LRGUK: variants seen among roughly 807,000 people sequenced by gnomAD.
The protein encoded by LRGUK is leucine rich repeats and guanylate kinase domain containing.
Under a neutral mutation model 76.0 loss-of-function variants are expected in LRGUK, and 65 were observed. The ratio of observed to expected loss-of-function variants is 0.85; its 90% CI spans 0.70 to 1.05. The LOEUF (loss-of-function observed/expected upper bound fraction) is 1.05, where lower values mean the gene tolerates loss of function less well. LRGUK is among the 50% of genes least tolerant of loss of function. LRGUK has a pLI of 0.00. For missense variants in LRGUK, 758 were observed against 732.8 expected (o/e 1.03, Z -0.40); for synonymous variants, 268 against 265.6 (o/e 1.01, Z -0.09).
intron 7 of LRGUK, among the ~76,000 whole-genome samples, chr7:134,169,529 T>C (rs891962747): frequency 6.6e-6 from 1 of 152,184 alleles, no homozygotes; most frequent in Non-Finnish European, 1.5e-5. Context: ...CTTTTGTAAT[T>C]TCTGCTTTTT....
intron 16 of LRGUK, among the ~76,000 whole-genome samples, chr7:134,240,565 A>G (rs913792314): frequency 2.0e-5 from 3 of 152,236 alleles, no homozygotes; most frequent in African/African-American, 7.2e-5. Context: ...AAAAGACCAA[A>G]TCTACGTCTG....
chr7:134,189,830 T>A (rs570861391), intron 11 of LRGUK, among the ~76,000 whole-genome samples: 3 of 152,372 alleles, frequency 2.0e-5, no homozygotes, highest in South Asian at 4.1e-4. Context: ...TTTGACAGCC[T>A]TCTCTTAGAA....
chr7:134,191,668 A>G lies in LRGUK; in HGVS notation c.1348A>G (p.Thr450Ala), dbSNP rs760339547. ...TTATGATTTCAGGGCCTGTCATACC[A>G]CAAGACCACCTTACTTTGGAGAAGG... The change falls in exon 12 of 16, where the codon ACA becomes GCA. Residue 450 changes from threonine to alanine, a missense_variant. Transcript: ENST00000645682. 37 of 1,612,074 alleles carry G rather than the reference A, an allele frequency of 2.3e-5. No individual in the cohort carries two copies. The highest frequency in any genetic ancestry group is 3.0e-5 in the Non-Finnish European group (35 of 1,178,986).
chr7:134,164,848 A>T (rs549148294), intron 7 of LRGUK, among the ~76,000 whole-genome samples: 40 of 152,294 alleles, frequency 2.6e-4, no homozygotes, highest in African/African-American at 9.1e-4. Context: ...ATCACAGACA[A>T]AGCTGTTCAT....
intron 19 of LRGUK, among the ~76,000 whole-genome samples, 191 bp downstream of exon 19, chr7:134,258,596 G>A (rs951730046): frequency 5.9e-5 from 9 of 151,860 alleles, no homozygotes; most frequent in Admixed American, 1.3e-4. Context: ...CTACTCGGGA[G>A]GCTGAGGCAA....
rs1461191136 is a variant in LRGUK, at chr7:134,127,612, AG to A, written c.248del (p.Gly83AlafsTer14). On this transcript the variant is annotated frameshift_variant, in exon 1 of 16. Transcript: ENST00000645682. LOFTEE classifies it high-confidence loss of function. ...TCGGACGGAGATGAGGACCAGGGCG[AG>A]GGCGAGGCGGGATCCGAGGAGTCCT... The A allele has an allele frequency of 6.2e-7, 1 of 1,614,156 alleles. No homozygotes were observed. Among genetic ancestry groups the A allele is most frequent in the Admixed American group, 1.7e-5 (1 of 60,022 alleles).
chr7:134,270,405 T>C, the LRGUK span, among the ~76,000 whole-genome samples: 1 of 152,088 alleles, frequency 6.6e-6, no homozygotes, highest in Non-Finnish European at 1.5e-5. Flanking sequence ...ATAATAAAAC[T>C]CTAAGCCCAT....
intron 6 of LRGUK, among the ~76,000 whole-genome samples, chr7:134,159,704 G>C (rs1018664201): frequency 6.6e-6 from 1 of 152,156 alleles, no homozygotes; most frequent in Non-Finnish European, 1.5e-5. Flanking sequence ...CAGGAGAATT[G>C]CTTAAACTCA....
rs1401393689 is a variant in LRGUK, at chr7:134,243,673, A to C, written c.1984-3883A>C. ...TGCCATCCCCATCAAGCTACCAATG[A>C]CTTTCTTCACAGAATTGGAAAAAAC... On this transcript the variant is annotated intron_variant, in intron 16 of 19. Transcript: ENST00000285928. 1.6e-4 allele frequency among the ~76,000 whole-genome samples: 25 copies of C among 152,290 alleles called. No individual in the cohort carries two copies. The South Asian group carries it at 2.3e-3, about 14-fold the overall frequency.
rs1312577313 is a variant in LRGUK at position 134,249,003 on chromosome 7, G to A, written c.2125G>A (p.Glu709Lys). 4.4e-6 allele frequency: 7 copies of A among 1,601,100 alleles called. No homozygotes were observed. The African/African-American group carries it at 9.4e-5, about 22-fold the overall frequency. The change falls in exon 18 of 20, where the codon GAA becomes AAA. Residue 709 changes from glutamate to lysine, a missense_variant. By Grantham distance (56) the Glu-to-Lys change is moderately conservative (BLOSUM62 1). Transcript: ENST00000285928. ...TGGTCTACACTATTATACAACTTTA[G>A]AAGAACTCTGGAAAAGTTTTGATCT... is the stretch of plus-strand genomic sequence containing the variant.
chr7:134,208,843 A>G (rs1445739887), exon 16 of LRGUK: 2 of 399,040 alleles, frequency 5.0e-6, no homozygotes, highest in Non-Finnish European at 4.4e-6. Context: ...CCAAGGACCT[A>G]GAAAATCAGA....
At chr7:134,222,951 G>A (rs1359332190) in intron 16 of LRGUK, among the ~76,000 whole-genome samples, 1 of 152,154 alleles carries the variant, frequency 6.6e-6, no homozygotes, top group Non-Finnish European at 1.5e-5. Flanking sequence ...CATTGGCAGT[G>A]TTCAGTGGTC....
At chr7:134,150,758 G>A (rs1798184913) in intron 5 of LRGUK, among the ~76,000 whole-genome samples, 2 of 151,858 alleles carry the variant, frequency 1.3e-5, no homozygotes, top group African/African-American at 4.8e-5. Context: ...TATACATTTA[G>A]CTTTCCATGT....
At chr7:134,186,153 G>A (rs1799972899) in intron 11 of LRGUK, among the ~76,000 whole-genome samples, 1 of 152,152 alleles carries the variant, frequency 6.6e-6, no homozygotes, top group Non-Finnish European at 1.5e-5. Flanking sequence ...GCAAATGGTT[G>A]GTAGCCCAGT....
intron 16 of LRGUK, among the ~76,000 whole-genome samples, chr7:134,224,575 G>A (rs1361446850): frequency 6.6e-6 from 1 of 152,022 alleles, no homozygotes; most frequent in East Asian, 1.9e-4. Context: ...GAGAGGATCA[G>A]GAAAAATAAC....
At chr7:134,250,699 ATTAG>A (rs1369901070) in intron 18 of LRGUK, among the ~76,000 whole-genome samples, 3 of 152,306 alleles carry the variant, frequency 2.0e-5, no homozygotes, top group South Asian at 2.1e-4. Context: ...TAGCATTATA[ATTAG>A]TTAATTAGCT....
intron 16 of LRGUK, among the ~76,000 whole-genome samples, chr7:134,225,428 A>G (rs998321645): frequency 2.0e-5 from 3 of 152,116 alleles, no homozygotes; most frequent in Non-Finnish European, 4.4e-5. Context: ...CCCAGTGTGG[A>G]GCATGTGTTG....
chr7:134,133,327 G>C (rs1300320408), intron 1 of LRGUK, among the ~76,000 whole-genome samples: 1 of 152,132 alleles, frequency 6.6e-6, no homozygotes, highest in African/African-American at 2.4e-5. Flanking sequence ...TTTTGCCAGA[G>C]TAACTCACAA....
At chr7:134,141,651 C>T (rs1463396974) in intron 3 of LRGUK, 4 of 152,208 alleles carry the variant, frequency 2.6e-5, no homozygotes, top group Non-Finnish European at 4.4e-5. Flanking sequence ...AGAAGGATCT[C>T]CATTTACCTG....
Sources: gnomAD v4.1 joint callset for allele counts (sites outside exome capture counted in the v4.1 genomes callset) on GRCh38, gnomAD v4.1.1 for gene constraint, MANE v1.5 for transcripts, NCBI Gene and HGNC (gene_info 2026-07-23, HGNC 2026-07-21) for gene names.